PRDM15: variants seen among roughly 807,000 people sequenced by gnomAD.
PRDM15 encodes PR/SET domain 15.
PRDM15 carries 64 observed loss-of-function variants against 128.6 expected under a neutral mutation model. The ratio of observed to expected loss-of-function variants is 0.50; its 90% CI spans 0.41 to 0.61. PRDM15 has a LOEUF of 0.61. PRDM15 is among the 20% of genes least tolerant of loss of function. The pLI is 0.00. For missense variants in PRDM15, 1,242 were observed against 1,569.1 expected (o/e 0.79, Z 3.52); for synonymous variants, 615 against 621.8 (o/e 0.99, Z 0.16).
rs1393391275 is a variant in PRDM15, at chr21:41,799,581, T to C, written c.*1659A>G. 2.6e-5 allele frequency: 4 copies of C among 152,228 alleles called. No homozygotes were observed. The highest frequency in any genetic ancestry group is 9.7e-5 in the African/African-American group (4 of 41,446). 9.4% of individuals were successfully genotyped at this position (152,228 alleles called of 1,614,324 possible). A position where few individuals can be genotyped will look rare whatever the true frequency, so the allele number is the denominator to read the frequency against. ...CTGGGGATGAACATTCCTTAGTTCATGAAGGCATATATTGCACAAAACAAA... is the reference window on the plus strand; with the variant it reads ...CTGGGGATGAACATTCCTTAGTTCACGAAGGCATATATTGCACAAAACAAA... On this transcript the variant is annotated 3_prime_UTR_variant, in exon 24 of 24. Transcript: ENST00000398548.
At chr21:41,840,450 A>G (rs2063041597) in intron 6 of PRDM15, among the ~76,000 whole-genome samples, 1 of 151,914 alleles carries the variant, frequency 6.6e-6, no homozygotes, top group South Asian at 2.1e-4. Context: ...CTCAAAAAAA[A>G]AAAAAAAAAA....
Position 41,829,869 on chromosome 21 carries a change from TACAC to T in PRDM15, c.1367-1540_1367-1537del, listed in dbSNP as rs1429078645. On this transcript the variant is annotated intron_variant, in intron 11 of 23. Coordinates refer to ENST00000398548, the MANE Select transcript of PRDM15 (RefSeq NM_001040424.3). Reference sequence around the variant, plus strand: ...ACCATATACATTATCACATACCACATACACACACACTCAACACACACCACACACA... The same window carrying T: ...ACCATATACATTATCACATACCACATACACACTCAACACACACCACACACA... Among the ~76,000 whole-genome samples, 6 of 143,430 alleles carry T rather than the reference TACAC, an allele frequency of 4.2e-5. 1 individual carries two copies. Among genetic ancestry groups the T allele is most frequent in the South Asian group, 4.5e-4 (2 of 4,458 alleles). 94.1% of individuals were successfully genotyped at this position (143,430 alleles called of 152,430 possible).
chr21:41,867,446 T>C (rs940905899), intron 1 of PRDM15: 14 of 1,198,478 alleles, frequency 1.2e-5, no homozygotes, highest in Admixed American at 5.4e-5. Context: ...AACATACATG[T>C]TGAAGAGACA....
chr21:41,838,418 T>C (rs1956064611), intron 7 of PRDM15, among the ~76,000 whole-genome samples: 1 of 152,256 alleles, frequency 6.6e-6, no homozygotes, highest in Non-Finnish European at 1.5e-5. Flanking sequence ...GACAGAGTTT[T>C]AGAAATGTTA....
At chr21:41,835,073 T>G (rs997130811) in intron 11 of PRDM15, among the ~76,000 whole-genome samples, 1 of 152,168 alleles carries the variant, frequency 6.6e-6, no homozygotes, top group Non-Finnish European at 1.5e-5. Flanking sequence ...CTCACACTCC[T>G]CCAGCCATTA....
intron 1 of PRDM15, among the ~76,000 whole-genome samples, chr21:41,866,377 A>G (rs2064008964): frequency 1.3e-5 from 2 of 152,260 alleles, no homozygotes; most frequent in African/African-American, 4.8e-5. Flanking sequence ...CAAGGTTCCA[A>G]TGCTACCACA....
At position 41,829,361 on chromosome 21, in the gene PRDM15, TCA is replaced by T. The variant is rs1175274608; in HGVS notation, c.1367-1030_1367-1029del. On this transcript the variant is annotated intron_variant, in intron 11 of 23. Transcript: ENST00000398548. Reference sequence around the variant, plus strand: ...AAACACATGCCCCACAAATACACAATCACACACACCACAAATACACACATATT... The same window carrying T: ...AAACACATGCCCCACAAATACACAATCACACACCACAAATACACACATATT... Among the ~76,000 whole-genome samples the T allele has an allele frequency of 3.4e-5, 5 of 148,228 alleles. No individual in the cohort carries two copies. The South Asian group carries it at 1.1e-3, about 32-fold the overall frequency.
chr21:41,839,986 A>G (rs111679183), intron 6 of PRDM15, 133 bp from the exon 7 acceptor site: 5 of 684,854 alleles, frequency 7.3e-6, no homozygotes, highest in African/African-American at 3.6e-5. Context: ...AGTGAACTTT[A>G]TTTCTACTGT....
At position 41,831,011 on chromosome 21, in the gene PRDM15, C is replaced by T. The variant is rs557983337; in HGVS notation, c.1367-2678G>A. ...GCGACCCCGGGGCCCAGCAGAGCTG[C>T]ATTCTCCTCCCTGTGTCGCCAACGT... On this transcript the variant is annotated intron_variant, in intron 11 of 23. Coordinates refer to ENST00000398548, the MANE Select transcript of PRDM15 (RefSeq NM_001040424.3). Among the ~76,000 whole-genome samples the T allele has an allele frequency of 1.7e-3, 263 of 152,362 alleles. 1 individual carries two copies. Among genetic ancestry groups the T allele is most frequent in the African/African-American group, 5.0e-3 (209 of 41,592 alleles).
intron 21 of PRDM15, among the ~76,000 whole-genome samples, chr21:41,809,854 G>A (rs7277578): frequency 7.2e-5 from 11 of 152,164 alleles, no homozygotes; most frequent in Admixed American, 6.5e-5. Context: ...TTGCACATTA[G>A]TTCCATGAGT....
chr21:41,843,103 G>T (rs1258097503), intron 6 of PRDM15, among the ~76,000 whole-genome samples: 1 of 151,004 alleles, frequency 6.6e-6, no homozygotes, highest in Non-Finnish European at 1.5e-5. Context: ...TTGTTTTTTT[G>T]TTTGTTTTTT....
intron 11 of PRDM15, among the ~76,000 whole-genome samples, chr21:41,829,500 A>G (rs1209861084): frequency 1.3e-5 from 2 of 151,730 alleles, no homozygotes; most frequent in Admixed American, 1.3e-4. Flanking sequence ...CCACATACAC[A>G]TTCAACACAT....
intron 14 of PRDM15, 41 bp from the exon 15 acceptor site, chr21:41,822,078 A>G (rs770932653): frequency 6.2e-7 from 1 of 1,611,196 alleles, no homozygotes; most frequent in Non-Finnish European, 8.5e-7. Context: ...ACAGCGCAGC[A>G]GACGCTTCAC....
Position 41,862,886 on chromosome 21 carries a change from C to T in PRDM15, c.-9-2514G>A, listed in dbSNP as rs940557850. ...GAAAAAAGAACTAGAAGTTCGAGAT[C>T]CTGGGCAGGCGTGTGGCTCACGTCT... On this transcript the variant is annotated intron_variant, in intron 1 of 23. Coordinates refer to ENST00000398548, the MANE Select transcript of PRDM15 (RefSeq NM_001040424.3). The surrounding 1 kb of genome is among the most constrained non-coding windows in gnomAD (Gnocchi z 4.1). Among the ~76,000 whole-genome samples, 20 of 152,144 alleles carry T rather than the reference C, an allele frequency of 1.3e-4. No individual in the cohort carries two copies. The highest frequency in any genetic ancestry group is 1.9e-4 in the Non-Finnish European group (13 of 67,978).
At chr21:41,864,045 T>C (rs1017428059) in intron 1 of PRDM15, among the ~76,000 whole-genome samples, 1 of 152,180 alleles carries the variant, frequency 6.6e-6, no homozygotes, top group Non-Finnish European at 1.5e-5. Context: ...GGTTTCACCA[T>C]GTTGGCCAGG....
intron 7 of PRDM15, 77 bp downstream of exon 7, chr21:41,839,546 C>T: frequency 2.4e-6 from 3 of 1,272,348 alleles, no homozygotes; most frequent in Non-Finnish European, 1.1e-6. Flanking sequence ...CGCCCTCTGC[C>T]CCCTGCCCCG....
rs73373477 is a variant in PRDM15 at position 41,804,687 on chromosome 21, C to T, written c.2653-73G>A. 1.2e-3 allele frequency: 1,353 copies of T among 1,171,130 alleles called. 18 individuals are homozygous for T. In the African/African-American group the frequency reaches 0.019, roughly 16 times the overall value. The allele number at this position is 1,171,130 out of a possible 1,614,324, so 72.5% of individuals were successfully genotyped here. A position where few individuals can be genotyped will look rare whatever the true frequency, so the allele number is the denominator to read the frequency against. On this transcript the variant is annotated intron_variant, in intron 21 of 23. Coordinates refer to ENST00000398548, the MANE Select transcript of PRDM15 (RefSeq NM_001040424.3). ...CAGGTGGGAACCCAGAAGCCACACA[C>T]GCCTTGGGACCACCTCCACCACTCC... is the stretch of plus-strand genomic sequence containing the variant.
chr21:41,861,593 G>C, intron 1 of PRDM15: 1 of 1,612,940 alleles, frequency 6.2e-7, no homozygotes, highest in Non-Finnish European at 8.5e-7. Flanking sequence ...CTGCTTCTCT[G>C]ATGCCCGTTG....
chr21:41,806,015 C>G (rs13049352), intron 21 of PRDM15, among the ~76,000 whole-genome samples: 3 of 47,340 alleles, frequency 6.3e-5, no homozygotes, highest in Middle Eastern at 9.6e-3. Context: ...ATCACCACCA[C>G]CATCACCACC....
Sources: allele counts gnomAD v4.1 joint callset (sites outside exome capture counted in the v4.1 genomes callset), GRCh38; gene constraint gnomAD v4.1.1; non-coding constraint Gnocchi (gnomAD v3.1); transcripts MANE v1.5; gene names NCBI Gene and HGNC (gene_info 2026-07-23, HGNC 2026-07-21).